C1orf94: variants seen among roughly 807,000 people sequenced by gnomAD.
C1orf94 encodes the protein chromosome 1 open reading frame 94, also known as uncharacterized protein C1orf94.
In C1orf94, 45 loss-of-function variants were observed where a neutral mutation model predicts 53.6. The ratio of observed to expected loss-of-function variants is 0.84; its 90% CI spans 0.66 to 1.08. The LOEUF is 1.08. Among genes scored for constraint, C1orf94 ranks in the 50% least tolerant of loss-of-function variants. C1orf94 has a pLI of 0.00. For missense variants in C1orf94, 762 were observed against 738.9 expected, an observed-to-expected ratio of 1.03 and a Z score of -0.36; for synonymous variants, 304 against 296.1, an observed-to-expected ratio of 1.03 and a Z score of -0.27.
chr1:34,185,786 A>G (rs1035962545), intron 1 of C1orf94, among the ~76,000 whole-genome samples: 1 of 152,210 alleles, frequency 6.6e-6, no homozygotes, highest in Admixed American at 6.5e-5. Context: ...CTGCTCAGAC[A>G]TCTCTCATGG....
At chr1:34,211,840 A>T (rs1447180839) in intron 5 of C1orf94, among the ~76,000 whole-genome samples, 1 of 152,130 alleles carries the variant, frequency 6.6e-6, no homozygotes, top group African/African-American at 2.4e-5. Flanking sequence ...AAAAATAAAC[A>T]AGGAGCTTTT....
chr1:34,170,219 G>A (rs1293524775), intron 1 of C1orf94, among the ~76,000 whole-genome samples: 1 of 152,196 alleles, frequency 6.6e-6, no homozygotes, highest in African/African-American at 2.4e-5. Flanking sequence ...ACACTGAGCT[G>A]CATGTCAGAG....
intron 4 of C1orf94, among the ~76,000 whole-genome samples, chr1:34,204,424 A>C (rs905511821): frequency 6.6e-6 from 1 of 152,128 alleles, no homozygotes; most frequent in Non-Finnish European, 1.5e-5. Context: ...GTTGTGATGA[A>C]AGGTGACCTA....
intron 5 of C1orf94, among the ~76,000 whole-genome samples, chr1:34,208,741 C>G (rs1642842464): frequency 6.6e-6 from 1 of 152,120 alleles, no homozygotes; most frequent in South Asian, 2.1e-4. Context: ...TCTCCTGGGC[C>G]TCTGCTGAAG....
chr1:34,211,109 G>A (rs1642881953), intron 5 of C1orf94, among the ~76,000 whole-genome samples: 2 of 152,138 alleles, frequency 1.3e-5, no homozygotes, highest in Non-Finnish European at 2.9e-5. Context: ...GTACACAAGA[G>A]GATAGACATC....
chr1:34,193,730 A>G (rs1313745270), intron 1 of C1orf94, among the ~76,000 whole-genome samples: 1 of 152,236 alleles, frequency 6.6e-6, no homozygotes, highest in Non-Finnish European at 1.5e-5. Flanking sequence ...AAATATGAAC[A>G]CATATATGGA....
chr1:34,168,621 G>C (rs915239348), intron 1 of C1orf94, among the ~76,000 whole-genome samples: 2 of 152,200 alleles, frequency 1.3e-5, no homozygotes, highest in African/African-American at 2.4e-5. Context: ...CTGGAGGCTG[G>C]AAGTCCAAGA....
chr1:34,178,238 G>T (rs2148610867), intron 1 of C1orf94, 129 bp downstream of exon 1: 1 of 994,542 alleles, frequency 1.0e-6, no homozygotes, highest in Non-Finnish European at 1.4e-6. Flanking sequence ...CCCCCTCCAT[G>T]GTCCTTTGTC....
rs201945629 is a variant in C1orf94 at position 34,197,584 on chromosome 1, G to A, written c.680G>A (p.Arg227His). 2.7e-5 allele frequency: 43 copies of A among 1,614,156 alleles called. No individual in the cohort carries two copies. The East Asian group carries it at 6.9e-4, about 26-fold the overall frequency. Residue 227 changes from arginine to histidine, a missense_variant, in exon 2 of 7, where the codon CGC (arginine) becomes CAC (histidine). Arg to His is a conservative substitution (Grantham distance 29). Transcript: ENST00000488417. This position sits in a 1 kb window ranked among gnomAD's most constrained non-coding sequence, Gnocchi z 4.1. ...KSSKGTEDRG[R>H]ILGDSNLQVS... Reference sequence around the variant, plus strand: ...AGCAAGGGGACAGAGGACAGGGGCCGCATCCTAGGTGACTCCAACTTGCAA... The same window carrying A: ...AGCAAGGGGACAGAGGACAGGGGCCACATCCTAGGTGACTCCAACTTGCAA...
intron 6 of C1orf94, 72 bp from the exon 7 acceptor site, chr1:34,218,614 A>G (rs1279104055): frequency 2.1e-5 from 25 of 1,205,314 alleles, no homozygotes; most frequent in Non-Finnish European, 2.2e-5. Context: ...TAAAATTAAT[A>G]TATATATTTT....
At chr1:34,210,248 G>T (rs939786045) in intron 5 of C1orf94, among the ~76,000 whole-genome samples, 1 of 152,152 alleles carries the variant, frequency 6.6e-6, no homozygotes, top group African/African-American at 2.4e-5. Context: ...TGACCCATAG[G>T]GTCATGACTC....
intron 6 of C1orf94, among the ~76,000 whole-genome samples, chr1:34,213,154 C>G (rs1251071788): frequency 6.6e-6 from 1 of 152,206 alleles, no homozygotes; most frequent in African/African-American, 2.4e-5. Context: ...GAATCCCAGT[C>G]TCCCGGGCAC....
At chr1:34,181,654 T>A (rs1227954159) in intron 1 of C1orf94, among the ~76,000 whole-genome samples, 1 of 152,182 alleles carries the variant, frequency 6.6e-6, no homozygotes, top group Non-Finnish European at 1.5e-5. Flanking sequence ...AGCTATGATA[T>A]CTTCAGAATG....
rs1642924088 is a variant in C1orf94 at position 34,213,216 on chromosome 1, G to A, written c.1721+810G>A. 1.3e-5 allele frequency among the ~76,000 whole-genome samples: 2 copies of A among 152,140 alleles called. 1 individual carries two copies. The highest frequency in any genetic ancestry group is 1.3e-4 in the Admixed American group (2 of 15,272). ...GAGAAACTCACTTTATAGGATTAAGGCCAACCTTCCCAGCCTGACAGTGAT... is the reference window on the plus strand; with the variant it reads ...GAGAAACTCACTTTATAGGATTAAGACCAACCTTCCCAGCCTGACAGTGAT... On this transcript the variant is annotated intron_variant, in intron 6 of 6. Coordinates refer to ENST00000488417, the MANE Select transcript of C1orf94 (RefSeq NM_001134734.2).
chr1:34,208,856 A>C (rs1402908459), intron 5 of C1orf94, among the ~76,000 whole-genome samples: 1 of 152,096 alleles, frequency 6.6e-6, no homozygotes, highest in African/African-American at 2.4e-5. Context: ...GTCCGTGGGA[A>C]CTTCCACCCA....
chr1:34,209,285 A>AACACACAC (rs59376155), intron 5 of C1orf94, among the ~76,000 whole-genome samples: 3,095 of 143,672 alleles, frequency 0.022, 32 homozygotes, highest in Admixed American at 0.046. Flanking sequence ...GAGAAATGCA[A>AACACACAC]ACACACACAC....
At chr1:34,204,253 C>A (rs1204802113) in intron 4 of C1orf94, among the ~76,000 whole-genome samples, 1 of 152,220 alleles carries the variant, frequency 6.6e-6, no homozygotes, top group East Asian at 1.9e-4. Flanking sequence ...ACTCTTCAAG[C>A]TGGTCCACCA....
chr1:34,205,379 A>G (rs935873220), intron 4 of C1orf94, among the ~76,000 whole-genome samples: 25 of 152,216 alleles, frequency 1.6e-4, no homozygotes, highest in African/African-American at 5.8e-4. Flanking sequence ...GTCCAGCTTC[A>G]ACATAGCTGA....
chr1:34,183,848 C>A (rs1642346221), intron 1 of C1orf94, among the ~76,000 whole-genome samples: 1 of 149,554 alleles, frequency 6.7e-6, no homozygotes, highest in African/African-American at 2.5e-5. Context: ...AAGAGCAAAA[C>A]TCCGTCTCAA....
Sources: gnomAD v4.1 joint callset for allele counts (sites outside exome capture counted in the v4.1 genomes callset) on GRCh38, gnomAD v4.1.1 for gene constraint, Gnocchi (gnomAD v3.1) non-coding constraint, MANE v1.5 for transcripts, NCBI Gene and HGNC (gene_info 2026-07-23, HGNC 2026-07-21) for gene names.